Variants in UBA52 observed in about 807,000 individuals in gnomAD.
UBA52 encodes ubiquitin-ribosomal protein eL40 fusion protein.
In UBA52, 1 loss-of-function variant was observed where a neutral mutation model predicts 15.3. The observed-to-expected ratio is 0.07, with a 90% CI of 0.02 to 0.31. The LOEUF is 0.31. Ranked by LOEUF, UBA52 falls within the 10% of genes least tolerant of loss-of-function variation. The pLI, the probability that UBA52 is intolerant of heterozygous loss-of-function variation, is 1.00. For synonymous variants in UBA52, 50 were observed against 58.3 expected (o/e 0.86, Z 0.65); for missense variants, 87 against 168.0 (o/e 0.52, Z 2.66).
At chr19:18,568,669 C>G (rs1368181168), upstream of UBA52, 1 of 1,514,612 alleles carries the variant, frequency 6.6e-7, no homozygotes, top group African/African-American at 1.4e-5. Flanking sequence ...CTCAGGGCAG[C>G]AGCATACAAG....
chr19:18,566,399 T>C, the UBA52 span, among the ~76,000 whole-genome samples: 1 of 51,420 alleles, frequency 1.9e-5, no homozygotes, highest in Non-Finnish European at 3.9e-5. Flanking sequence ...ACCCAGGAGG[T>C]GAGCCGAGAT....
intron 1 of UBA52, chr19:18,572,482 A>G (rs1340719098): frequency 6.6e-6 from 1 of 152,114 alleles, no homozygotes; most frequent in Non-Finnish European, 1.5e-5. Flanking sequence ...GGCGCCTGCC[A>G]CCACGCCCAG....
upstream of UBA52, among the ~76,000 whole-genome samples, chr19:18,570,103 T>A (rs536300629): frequency 2.8e-4 from 43 of 152,332 alleles, no homozygotes; most frequent in African/African-American, 1.0e-3. Flanking sequence ...TTGCCTGGTA[T>A]AGTAGTGCCT....
In UBA52 at chr19:18,571,907, C is replaced by T. The variant is rs1436352471; in HGVS notation, c.-11C>T. 2.0e-5 allele frequency: 3 copies of T among 152,912 alleles called. No homozygotes were observed. The highest frequency in any genetic ancestry group is 4.4e-5 in the Non-Finnish European group (3 of 68,576). The allele number at this position is 152,912 out of a possible 1,614,324, so 9.5% of individuals were successfully genotyped here. The stretch of plus-strand genomic sequence containing the variant: ...GAGCTGGTTGGTGGCGGCGGTCGTG[C>T]GGGTTCGCGCCGGGCCGAGAGCGGG... On this transcript the variant is annotated splice_region_variant and 5_prime_UTR_variant, in exon 1 of 5. Coordinates refer to ENST00000442744, the MANE Select transcript of UBA52 (RefSeq NM_001033930.3).
At chr19:18,569,866 T>A (rs1318455821), upstream of UBA52, among the ~76,000 whole-genome samples, 6 of 152,040 alleles carry the variant, frequency 3.9e-5, no homozygotes, top group Non-Finnish European at 8.8e-5. Context: ...AAACCCCATC[T>A]CTACCAAAAA....
chr19:18,566,945 G>A (rs1194897191), upstream of UBA52, among the ~76,000 whole-genome samples: 4 of 152,234 alleles, frequency 2.6e-5, no homozygotes, highest in East Asian at 1.9e-4. Flanking sequence ...GCTGGTGGGC[G>A]ACTGTCAGGG....
In UBA52 at chr19:18,574,992, T is replaced by TGGG. The variant is rs41293573; in HGVS notation, c.293+24_293+26dup. ...CCGCAAGTATGTGTGCTCCGATGCT[T>TGGG]GGGGGGCTGTGGGGGCTGCCGGAGT... On this transcript the variant is annotated intron_variant, in intron 4 of 4. Coordinates refer to ENST00000442744, the MANE Select transcript of UBA52 (RefSeq NM_001033930.3). 4 of 1,614,042 alleles carry TGGG rather than the reference T, an allele frequency of 2.5e-6. No homozygotes were observed. The African/African-American group carries it at 5.3e-5, about 22-fold the overall frequency.
intron 1 of UBA52, chr19:18,572,927 A>AGGGAAGATGGATCT (rs1975575928): frequency 9.1e-7 from 1 of 1,101,890 alleles, no homozygotes; most frequent in Admixed American, 4.6e-5. Flanking sequence ...GACCGCCTTC[A>AGGGAAGATGGATCT]GGGAAGATGG....
chr19:18,573,173 G>T, intron 1 of UBA52, 120 bp from the exon 2 acceptor site: 1 of 1,131,674 alleles, frequency 8.8e-7, no homozygotes, highest in South Asian at 1.5e-5. Context: ...CAGGTACTGG[G>T]GCAGGACCAG....
chr19:18,564,956 C>G, the UBA52 span: 1 of 1,612,908 alleles, frequency 6.2e-7, no homozygotes, highest in Non-Finnish European at 8.5e-7. Context: ...GCGAACGCTT[C>G]CTGCACCACA....
chr19:18,571,388 G>A (rs535237207), upstream of UBA52, among the ~76,000 whole-genome samples: 2 of 152,020 alleles, frequency 1.3e-5, no homozygotes, highest in East Asian at 3.9e-4. Context: ...GGCGAATGCG[G>A]TAGTACCGTC....
rs1181726548 is a variant in UBA52 at position 18,573,359 on chromosome 19, G to A, written c.59G>A (p.Ser20Asn). The A allele has an allele frequency of 5.6e-6, 9 of 1,614,076 alleles. No homozygotes were observed. The highest frequency in any genetic ancestry group is 7.6e-6 in the Non-Finnish European group (9 of 1,180,038). ...ACCATCACCCTTGAGGTCGAGCCCA[G>A]TGACACCATTGAGAATGTCAAAGCC... ...GKTITLEVEPSDTIENVKAKI... is the reference protein window; with the variant it reads ...GKTITLEVEPNDTIENVKAKI... The change falls in exon 2 of 5, where the codon AGT becomes AAT. Residue 20 changes from serine (S) to asparagine (N), a missense_variant. Physicochemically the swap from Ser to Asn is conservative, Grantham distance 46 (BLOSUM62 1). Transcript: ENST00000442744.
the UBA52 span, chr19:18,564,769 T>G: frequency 1.5e-6 from 2 of 1,346,856 alleles, no homozygotes; most frequent in South Asian, 1.3e-5. Context: ...ATGCAAAGGT[T>G]GTGAAGCAGG....
Position 18,575,333 on chromosome 19 carries a change from C to T in UBA52, c.*183C>T, listed in dbSNP as rs1975737430. 2 of 646,728 alleles carry T rather than the reference C, an allele frequency of 3.1e-6. No homozygotes were observed. Among genetic ancestry groups the T allele is most frequent in the Admixed American group, 2.8e-5 (1 of 35,994 alleles). 40.1% of individuals were successfully genotyped at this position (646,728 alleles called of 1,614,324 possible). On this transcript the variant is annotated 3_prime_UTR_variant, in exon 5 of 5. Coordinates refer to ENST00000442744, the MANE Select transcript of UBA52 (RefSeq NM_001033930.3). ...TACTCAGCACTCCATTCTGTGCCACCTGTGGGGTCTTCTGTCCTAGATTCT... is the reference window on the plus strand; with the variant it reads ...TACTCAGCACTCCATTCTGTGCCACTTGTGGGGTCTTCTGTCCTAGATTCT...
At chr19:18,574,589 G>A (rs775358683) in intron 3 of UBA52, among the ~76,000 whole-genome samples, 5 of 152,188 alleles carry the variant, frequency 3.3e-5, no homozygotes, top group African/African-American at 7.2e-5. Flanking sequence ...GAACCACTTA[G>A]AGGTCGGCTT....
At chr19:18,565,226 C>CA in the UBA52 span, 1 of 1,217,804 alleles carries the variant, frequency 8.2e-7, no homozygotes, top group Admixed American at 3.1e-5. Flanking sequence ...TTGATCGAGA[C>CA]AGAGTTTTTT....
At chr19:18,573,136 G>T (rs1975589957) in intron 1 of UBA52, 157 bp from the exon 2 acceptor site, 10 of 1,124,760 alleles carry the variant, frequency 8.9e-6, no homozygotes, top group South Asian at 1.5e-5. Flanking sequence ...GCCTAGCAGG[G>T]CCAGGCTTGG....
chr19:18,565,957 G>A, the UBA52 span, among the ~76,000 whole-genome samples: 4 of 152,154 alleles, frequency 2.6e-5, no homozygotes, highest in Non-Finnish European at 4.4e-5. Context: ...TAAAGTGTTG[G>A]GATTACAGGT....
At chr19:18,565,215 A>T in the UBA52 span, 7 of 1,307,168 alleles carry the variant, frequency 5.4e-6, no homozygotes, top group African/African-American at 9.1e-5. Context: ...TGATTGATTA[A>T]TTGATCGAGA....
Sources: gnomAD v4.1 joint callset for allele counts (sites outside exome capture counted in the v4.1 genomes callset) on GRCh38, gnomAD v4.1.1 for gene constraint, MANE v1.5 for transcripts, NCBI Gene and HGNC (gene_info 2026-07-23, HGNC 2026-07-21) for gene names.